SBK1: variants seen among roughly 807,000 people sequenced by gnomAD.
SBK1 encodes SH3 domain binding kinase 1, also known as serine/threonine-protein kinase SBK1.
Under a neutral mutation model 24.4 loss-of-function variants are expected in SBK1, and 11 were observed. The observed-to-expected ratio is 0.45, with a 90% CI of 0.28 to 0.75. SBK1 has a LOEUF of 0.75. Ranked by LOEUF, SBK1 falls within the 30% of genes least tolerant of loss-of-function variation. The pLI, the probability that SBK1 is intolerant of heterozygous loss-of-function variation, is 0.12. For synonymous variants in SBK1, 308 were observed against 284.4 expected (o/e 1.08, Z -0.83); for missense variants, 467 against 620.5 (o/e 0.75, Z 2.63).
At chr16:28,262,795 G>C (rs1314720876) in intron 1 of SBK1, among the ~76,000 whole-genome samples, 1 of 152,200 alleles carries the variant, frequency 6.6e-6, no homozygotes, top group Non-Finnish European at 1.5e-5. Context: ...TTAAGGTGAG[G>C]CAAGCTGTTG....
chr16:28,270,846 TA>T (rs1808141979), intron 1 of SBK1, among the ~76,000 whole-genome samples: 5 of 117,998 alleles, frequency 4.2e-5, no homozygotes, highest in Non-Finnish European at 6.4e-5. Flanking sequence ...TTTATTTATT[TA>T]TTTATTTATT....
chr16:28,280,145 A>ATGTGTGTGTGTGTGTGTGTG (rs1292773760), intron 1 of SBK1, among the ~76,000 whole-genome samples: 13 of 55,284 alleles, frequency 2.4e-4, no homozygotes, highest in Non-Finnish European at 5.8e-4. Flanking sequence ...ATATATATAT[A>ATGTGTGTGTGTGTGTGTGTG]TATATGTGTG....
chr16:28,319,095 C>T lies in SBK1; in HGVS notation c.327C>T (p.Phe109=). Residue 109 remains phenylalanine (F), a synonymous_variant, in exon 3 of 4, where the codon TTC becomes TTT. Transcript: ENST00000341901. This position sits in a 1 kb window ranked among gnomAD's most constrained non-coding sequence, Gnocchi z 4.0. The part of the protein sequence containing the change: ...SITNSLSSSP[F]IIKVFDVVFE... ...CCAACAGCCTCTCCTCCAGCCCCTT[C>T]ATCATCAAGGTCTTTGACGTGGTCT... 1 of 1,614,090 alleles carries T rather than the reference C, an allele frequency of 6.2e-7. No individual in the cohort carries two copies. The highest frequency in any genetic ancestry group is 8.5e-7 in the Non-Finnish European group (1 of 1,179,948).
chr16:28,279,413 C>CAAAAAAAAAAAAAAAA (rs34582546), intron 1 of SBK1, among the ~76,000 whole-genome samples: 1 of 84,754 alleles, frequency 1.2e-5, no homozygotes, highest in African/African-American at 4.4e-5. Context: ...AAAACAAAAC[C>CAAAAAAAAAAAAAAAA]AAAAAAAAAA....
chr16:28,268,566 C>G (rs1160219419), intron 1 of SBK1, among the ~76,000 whole-genome samples: 1 of 151,952 alleles, frequency 6.6e-6, no homozygotes, highest in Non-Finnish European at 1.5e-5. Flanking sequence ...AGTTCGAGAC[C>G]AGCCTGGCCA....
chr16:28,270,768 A>G (rs2044460019), intron 1 of SBK1, among the ~76,000 whole-genome samples: 1 of 151,962 alleles, frequency 6.6e-6, no homozygotes, highest in Non-Finnish European at 1.5e-5. Context: ...ATAAAGTGAG[A>G]GTAGAAAAAA....
chr16:28,280,149 A>ATATATATATGTGTGTGTGTGTGTG (rs1230385223), intron 1 of SBK1, among the ~76,000 whole-genome samples: 9 of 39,396 alleles, frequency 2.3e-4, no homozygotes, highest in Non-Finnish European at 4.3e-4. Context: ...ATATATATAT[A>ATATATATATGTGTGTGTGTGTGTG]TGTGTGTGTG....
In SBK1 at chr16:28,317,412, G is replaced by T. The variant is rs1329955457; in HGVS notation, c.21G>T (p.Glu7Asp). Residue 7 changes from glutamate to aspartate, a missense_variant, in exon 2 of 4, where the codon GAG becomes GAT. Glu to Asp is a conservative substitution (Grantham distance 45). Around this residue, in one of 4 missense-constraint regions of SBK1, gnomAD observed 123 missense variants for 158.2 expected, o/e 0.78. Coordinates refer to ENST00000341901, the MANE Select transcript of SBK1 (RefSeq NM_001024401.3). This position sits in a 1 kb window ranked among gnomAD's most constrained non-coding sequence, Gnocchi z 4.2. The stretch of plus-strand genomic sequence containing the variant: ...AGAAGATGAGCGTGGGCTGCCCAGA[G>T]CCTGAGCCGCCCCGCTCCCTGACCT... MSVGCP[E>D]PEPPRSLTCC... 4.3e-6 allele frequency: 7 copies of T among 1,613,816 alleles called. No homozygotes were observed. In the African/African-American group the frequency reaches 6.7e-5, roughly 15 times the overall value.
chr16:28,292,493 G>A, upstream of SBK1: 1 of 972,074 alleles, frequency 1.0e-6, no homozygotes, highest in African/African-American at 1.8e-5. Context: ...GGCCGGGCGG[G>A]CAGGTGCGCG....
In SBK1 at chr16:28,322,931, CCTCTCTCTCTCTCTCTCTCTCTCTCT is replaced by C. The variant is rs1160741491; in HGVS notation, c.*2034_*2059del. On this transcript the variant is annotated 3_prime_UTR_variant, in exon 4 of 4. Coordinates refer to ENST00000341901, the MANE Select transcript of SBK1 (RefSeq NM_001024401.3). Reference sequence around the variant, plus strand: ...CTCTCTCGCGCGCGCTCTCTCTCTCCCTCTCTCTCTCTCTCTCTCTCTCTCTCTCTCTCTCTCTCTCTCTCTCTCCT... The same window carrying C: ...CTCTCTCGCGCGCGCTCTCTCTCTCCCTCTCTCTCTCTCTCTCTCTCTCCT... The C allele has an allele frequency of 1.8e-5, 1 of 55,352 alleles. No homozygotes were observed. The highest frequency in any genetic ancestry group is 8.2e-5 in the African/African-American group (1 of 12,188). The allele number at this position is 55,352 out of a possible 1,614,324, so 3.4% of individuals were successfully genotyped here.
chr16:28,318,873 AT>A, intron 2 of SBK1, 121 bp from the exon 3 acceptor site: 1 of 766,180 alleles, frequency 1.3e-6, no homozygotes, highest in Non-Finnish European at 2.3e-6. Flanking sequence ...CATCCGTGAG[AT>A]GAGGACAGTC....
chr16:28,294,721 C>G (rs2044626575), intron 1 of SBK1, among the ~76,000 whole-genome samples: 1 of 152,218 alleles, frequency 6.6e-6, no homozygotes, highest in South Asian at 2.1e-4. Flanking sequence ...CCCACCTTCC[C>G]AGCACCAAGT....
chr16:28,282,761 T>G (rs2044541185), intron 1 of SBK1, among the ~76,000 whole-genome samples: 1 of 152,070 alleles, frequency 6.6e-6, no homozygotes, highest in Non-Finnish European at 1.5e-5. Context: ...ATAACCATTC[T>G]TCGAGGGCAG....
In SBK1 at chr16:28,318,289, C is replaced by T. The variant is rs532001940; in HGVS notation, c.226+672C>T. Among the ~76,000 whole-genome samples, 21 of 152,334 alleles carry T rather than the reference C, an allele frequency of 1.4e-4. No individual in the cohort carries two copies. In the East Asian group the frequency reaches 3.3e-3, roughly 24 times the overall value. ...CTGTGTGAGCTCCCACAGCTGCACG[C>T]GCTTGGGTCCAGGGGCTTTGTGCTA... On this transcript the variant is annotated intron_variant, in intron 2 of 3. Coordinates refer to ENST00000341901, the MANE Select transcript of SBK1 (RefSeq NM_001024401.3).
At chr16:28,312,303 C>T (rs1303232933) in intron 1 of SBK1, among the ~76,000 whole-genome samples, 2 of 152,188 alleles carry the variant, frequency 1.3e-5, no homozygotes, top group African/African-American at 2.4e-5. Flanking sequence ...CTGGTGTTGC[C>T]GCGGTCACCT....
In SBK1 at chr16:28,321,050, G is replaced by A. The variant is rs1219274101; in HGVS notation, c.*129G>A. 7.2e-5 allele frequency: 64 copies of A among 887,216 alleles called. No individual in the cohort carries two copies. Among genetic ancestry groups the A allele is most frequent in the Non-Finnish European group, 9.2e-5 (61 of 662,198 alleles). 55.0% of individuals were successfully genotyped at this position (887,216 alleles called of 1,614,324 possible). A position where few individuals can be genotyped will look rare whatever the true frequency, so the allele number is the denominator to read the frequency against. On this transcript the variant is annotated 3_prime_UTR_variant, in exon 4 of 4. Coordinates refer to ENST00000341901, the MANE Select transcript of SBK1 (RefSeq NM_001024401.3). ...CGCAGCGGTAGACTAGGCAGGACGC[G>A]GCCCGGCACCTGGTCCGTCCCCGGC...
chr16:28,268,384 A>G (rs1255622387), intron 1 of SBK1, among the ~76,000 whole-genome samples: 1 of 150,380 alleles, frequency 6.6e-6, no homozygotes, highest in African/African-American at 2.4e-5. Flanking sequence ...CTGAGATCAT[A>G]GGTGTGCACC....
At chr16:28,307,212 AC>A (rs892158542) in intron 1 of SBK1, among the ~76,000 whole-genome samples, 1 of 152,214 alleles carries the variant, frequency 6.6e-6, no homozygotes, top group African/African-American at 2.4e-5. Flanking sequence ...CCTGTCATGT[AC>A]CAAGCGCCTC....
At position 28,321,061 on chromosome 16, in the gene SBK1, T is replaced by C; in HGVS notation, c.*140T>C. 1 of 794,178 alleles carries C rather than the reference T, an allele frequency of 1.3e-6. No individual in the cohort carries two copies. 49.2% of individuals were successfully genotyped at this position (794,178 alleles called of 1,614,324 possible). On this transcript the variant is annotated 3_prime_UTR_variant, in exon 4 of 4. Transcript: ENST00000341901. Reference sequence around the variant, plus strand: ...ACTAGGCAGGACGCGGCCCGGCACCTGGTCCGTCCCCGGCGGGCTGGTGAG... The same window carrying C: ...ACTAGGCAGGACGCGGCCCGGCACCCGGTCCGTCCCCGGCGGGCTGGTGAG...
Sources: gnomAD v4.1 joint callset for allele counts (sites outside exome capture counted in the v4.1 genomes callset) on GRCh38, gnomAD v4.1.1 for gene constraint, gnomAD v4.1.1 regional missense constraint, Gnocchi (gnomAD v3.1) non-coding constraint, MANE v1.5 for transcripts, NCBI Gene and HGNC (gene_info 2026-07-23, HGNC 2026-07-21) for gene names.